Variants in GPC4 observed in about 807,000 individuals in gnomAD.
GPC4 encodes glypican-4.
GPC4 carries 10 observed loss-of-function variants against 35.0 expected under a neutral mutation model. The ratio of observed to expected loss-of-function variants is 0.29; its 90% CI spans 0.18 to 0.48. The LOEUF (loss-of-function observed/expected upper bound fraction) is 0.48, where lower values mean the gene tolerates loss of function less well. Ranked by LOEUF, GPC4 falls within the 20% of genes least tolerant of loss-of-function variation. GPC4 has a pLI of 0.99. For synonymous variants in GPC4, 167 were observed against 170.2 expected (o/e 0.98, Z 0.15); for missense variants, 322 against 451.3 (o/e 0.71, Z 2.60).
At chrX:133,339,381 T>C (rs768385725) in intron 1 of GPC4, 40 bp from the exon 2 acceptor site, 2 of 1,160,788 alleles carry the variant, frequency 1.7e-6, no homozygotes, top group East Asian at 3.0e-5. Flanking sequence ...TCTATCATCA[T>C]TCATGAAGTC....
intron 1 of GPC4, among the ~76,000 whole-genome samples, chrX:133,347,248 GTTTTTTTTTTTTTTTTTT>G (rs763800349): frequency 1.2e-4 from 3 of 25,426 alleles, no homozygotes; most frequent in East Asian, 3.6e-3. Context: ...TCTATTAGAA[GTTTTTTTTTTTTTTTTTT>G]TTTTTTTTTT....
At chrX:133,395,402 T>C (rs1397596864) in intron 1 of GPC4, among the ~76,000 whole-genome samples, 2 of 111,020 alleles carry the variant, frequency 1.8e-5, no homozygotes, top group Non-Finnish European at 3.8e-5. Flanking sequence ...GTGGGTGTAT[T>C]ACCTGAGGTG....
chrX:133,387,354 T>C (rs919683896), intron 1 of GPC4, among the ~76,000 whole-genome samples: 7 of 111,647 alleles, frequency 6.3e-5, no homozygotes, highest in Non-Finnish European at 1.3e-4. Context: ...ATTAATTCCT[T>C]CTTATTTATA....
intron 1 of GPC4, among the ~76,000 whole-genome samples, chrX:133,355,291 C>T (rs2068536673): frequency 8.9e-6 from 1 of 111,831 alleles, no homozygotes; most frequent in Non-Finnish European, 1.9e-5. Flanking sequence ...AGTTCAATCT[C>T]GAGTTTCATA....
intron 3 of GPC4, among the ~76,000 whole-genome samples, chrX:133,322,438 C>CAA (rs756230456): frequency 9.9e-4 from 57 of 57,413 alleles, no homozygotes; most frequent in African/African-American, 3.5e-3. Flanking sequence ...AGCGAGATTC[C>CAA]AAAAAAAAAA....
chrX:133,312,905 G>A (rs1053273565), intron 3 of GPC4, among the ~76,000 whole-genome samples: 37 of 111,368 alleles, frequency 3.3e-4, no homozygotes, highest in African/African-American at 1.1e-3. Context: ...GATTCCATCC[G>A]GTCACTTGTT....
chrX:133,340,180 AGGTGAGGGTTGGGCG>A (rs1344341016), intron 1 of GPC4, among the ~76,000 whole-genome samples: 1 of 110,343 alleles, frequency 9.1e-6, no homozygotes. Context: ...TGCAGTTTGG[AGGTGAGGGTTGGGCG>A]GGGGGTTTTT....
chrX:133,413,357 G>A (rs1383318805), intron 1 of GPC4, among the ~76,000 whole-genome samples: 1 of 112,072 alleles, frequency 8.9e-6, no homozygotes, highest in Admixed American at 9.5e-5. Flanking sequence ...TTTCTAGACA[G>A]ACGCCAGTTA....
chrX:133,413,719 G>C (rs1042753401), intron 1 of GPC4, among the ~76,000 whole-genome samples: 3 of 111,818 alleles, frequency 2.7e-5, no homozygotes, highest in Admixed American at 9.4e-5. Context: ...TGAGCCCCCA[G>C]GGCGAACGGG....
chrX:133,319,165 C>T (rs1013426290), intron 3 of GPC4, among the ~76,000 whole-genome samples: 4 of 110,673 alleles, frequency 3.6e-5, no homozygotes, highest in African/African-American at 6.6e-5. Context: ...CTTTGTAGGC[C>T]GGGCGCAGTG....
At chrX:133,356,761 T>A (rs1185300139) in intron 1 of GPC4, among the ~76,000 whole-genome samples, 5 of 111,400 alleles carry the variant, frequency 4.5e-5, no homozygotes, top group African/African-American at 1.6e-4. Context: ...CAGCCTCAGG[T>A]ATTCCTTCAT....
intron 1 of GPC4, among the ~76,000 whole-genome samples, chrX:133,401,426 C>T (rs1662650919): frequency 9.0e-6 from 1 of 111,546 alleles, no homozygotes; most frequent in African/African-American, 3.3e-5. Context: ...GGATAGTAGT[C>T]ACTGAGATGG....
intron 4 of GPC4, among the ~76,000 whole-genome samples, chrX:133,307,402 G>A (rs758760917): frequency 1.2e-4 from 13 of 112,167 alleles, no homozygotes; most frequent in Non-Finnish European, 2.3e-4. Context: ...AATGCACGGG[G>A]TCATTTCTCT....
At chrX:133,350,509 T>TG (rs1002252720) in intron 1 of GPC4, among the ~76,000 whole-genome samples, 3 of 108,646 alleles carry the variant, frequency 2.8e-5, no homozygotes, top group African/African-American at 1.0e-4. Context: ...TGGAGTGGGG[T>TG]GGGGGGGAAT....
At position 133,306,144 on chromosome X, in the gene GPC4, C is replaced by T; in HGVS notation, c.888G>A (p.Leu296=). The T allele has an allele frequency of 8.3e-7, 1 of 1,211,422 alleles. No individual in the cohort carries two copies. Among genetic ancestry groups the T allele is most frequent in the Non-Finnish European group, 1.1e-6 (1 of 895,225 alleles). ...GACCCTCTAGCCTCTCTGCCACCAT[C>T]AGCATAGCATCTAATATGAGGTTTG... is the stretch of plus-strand genomic sequence containing the variant. The part of the protein sequence containing the change: ...FEWNNFIDAM[L]MVAERLEGPF... Residue 296 remains leucine (L), a synonymous_variant, in exon 5 of 9, where the codon CTG becomes CTA. Coordinates refer to ENST00000370828, the MANE Select transcript of GPC4 (RefSeq NM_001448.3).
intron 1 of GPC4, among the ~76,000 whole-genome samples, chrX:133,352,595 C>G (rs1016057699): frequency 1.8e-5 from 2 of 111,032 alleles, no homozygotes; most frequent in Non-Finnish European, 3.8e-5. Context: ...TGATAACAAG[C>G]TTCCCTAAAC....
chrX:133,340,224 C>G (rs1437444734), intron 1 of GPC4, among the ~76,000 whole-genome samples: 1 of 109,852 alleles, frequency 9.1e-6, no homozygotes. Flanking sequence ...CCCCAGAGTT[C>G]CCCCCCTTGT....
At chrX:133,309,580 C>A (rs2068305647) in intron 4 of GPC4, among the ~76,000 whole-genome samples, 2 of 112,846 alleles carry the variant, frequency 1.8e-5, no homozygotes, top group African/African-American at 6.4e-5. Context: ...CCCAATGTGT[C>A]TGTAGAAAAG....
rs1414499199 is a variant in GPC4 at position 133,301,725 on chromosome X, G to C, written c.*1142C>G. 8.9e-6 allele frequency: 1 copy of C among 112,221 alleles called. No individual in the cohort carries two copies. The highest frequency in any genetic ancestry group is 3.2e-5 in the African/African-American group (1 of 30,863). The allele number at this position is 112,221 out of a possible 1,213,427, so 9.2% of individuals were successfully genotyped here. A position where few individuals can be genotyped will look rare whatever the true frequency, so the allele number is the denominator to read the frequency against. On this transcript the variant is annotated 3_prime_UTR_variant, in exon 9 of 9. Coordinates refer to ENST00000370828, the MANE Select transcript of GPC4 (RefSeq NM_001448.3). The stretch of plus-strand genomic sequence containing the variant: ...GGCTAGGTAAGAAAAAGACTCAAAT[G>C]AGACACCTTATACTCTCTTAAAACA...
Sources: gnomAD v4.1 joint callset for allele counts (sites outside exome capture counted in the v4.1 genomes callset) on GRCh38, gnomAD v4.1.1 for gene constraint, MANE v1.5 for transcripts, NCBI Gene and HGNC (gene_info 2026-07-23, HGNC 2026-07-21) for gene names.